ATXN1: variants seen among roughly 807,000 people sequenced by gnomAD.
ATXN1 encodes ataxin-1.
In ATXN1, 8 loss-of-function variants were observed where a neutral mutation model predicts 56.4. The observed-to-expected ratio is 0.14, with a 90% CI of 0.08 to 0.26. The LOEUF is 0.26. ATXN1 is among the 10% of genes least tolerant of loss of function. The pLI, the probability that ATXN1 is intolerant of heterozygous loss-of-function variation, is 1.00. For missense variants in ATXN1, 987 were observed against 1,106.5 expected (o/e 0.89, Z 1.53); for synonymous variants, 514 against 494.6 (o/e 1.04, Z -0.52).
At chr6:16,731,297 G>T (rs1194878927) in intron 2 of ATXN1, among the ~76,000 whole-genome samples, 2 of 151,876 alleles carry the variant, frequency 1.3e-5, no homozygotes, top group African/African-American at 4.8e-5. Flanking sequence ...AGGGAAGAAT[G>T]AAAAGAAGAT....
chr6:16,614,794 A>G (rs1763174775), intron 3 of ATXN1, among the ~76,000 whole-genome samples: 2 of 151,478 alleles, frequency 1.3e-5, no homozygotes, highest in Admixed American at 1.3e-4. Flanking sequence ...GTGGTGTTGC[A>G]TGCCTGTAAT....
intron 6 of ATXN1, among the ~76,000 whole-genome samples, chr6:16,370,156 G>C (rs1762009263): frequency 6.6e-6 from 1 of 152,150 alleles, no homozygotes. Flanking sequence ...ATAATGTCCA[G>C]AAGCAGGAAC....
At chr6:16,436,740 T>C (rs1115820) in intron 6 of ATXN1, among the ~76,000 whole-genome samples, 46,158 of 151,732 alleles carry the variant, frequency 0.3, 7,872 homozygotes, top group Middle Eastern at 0.47. Context: ...GGGTGACAAG[T>C]TCTTTGAGCC....
chr6:16,497,605 G>A lies in ATXN1; in HGVS notation c.-298-11496C>T, dbSNP rs142373444. Among the ~76,000 whole-genome samples the A allele has an allele frequency of 2.0e-4, 31 of 152,298 alleles. No homozygotes were observed. In the South Asian group the frequency reaches 2.9e-3, roughly 14 times the overall value. On this transcript the variant is annotated intron_variant, in intron 5 of 7. Coordinates refer to ENST00000436367, the MANE Select transcript of ATXN1 (RefSeq NM_001128164.2). ...TCGCCTGTGCCTGCTGGGAAACGCC[G>A]TGCAAGTTCCTCCATCTGTTTCCAA...
chr6:16,351,044 G>A (rs1010414533), intron 6 of ATXN1, among the ~76,000 whole-genome samples: 8 of 152,076 alleles, frequency 5.3e-5, no homozygotes, highest in Non-Finnish European at 8.8e-5. Context: ...AGCTGAGATC[G>A]CGGCACTGCA....
chr6:16,627,781 C>A (rs1763433356), intron 3 of ATXN1, among the ~76,000 whole-genome samples: 1 of 152,084 alleles, frequency 6.6e-6, no homozygotes, highest in Non-Finnish European at 1.5e-5. Flanking sequence ...TCTCCTATCA[C>A]AAAAGGAATA....
chr6:16,397,848 A>C (rs1758487290), intron 6 of ATXN1, among the ~76,000 whole-genome samples: 1 of 152,228 alleles, frequency 6.6e-6, no homozygotes, highest in Admixed American at 6.5e-5. Flanking sequence ...ACGCCACTGG[A>C]TATTTGTATC....
At chr6:16,312,119 T>C (rs1411493538) in intron 7 of ATXN1, among the ~76,000 whole-genome samples, 6 of 152,250 alleles carry the variant, frequency 3.9e-5, no homozygotes, top group East Asian at 1.9e-4. Flanking sequence ...TGTGTTCTCA[T>C]AGGTAAACTT....
chr6:16,383,183 A>G (rs1376857934), intron 6 of ATXN1, among the ~76,000 whole-genome samples: 1 of 152,216 alleles, frequency 6.6e-6, no homozygotes, highest in African/African-American at 2.4e-5. Flanking sequence ...AGCAAGCTAA[A>G]TAAGCACAGA....
rs114116009 is a variant in ATXN1 at position 16,742,381 on chromosome 6, C to T, written c.-615+10852G>A. Among the ~76,000 whole-genome samples, 896 of 152,236 alleles carry T rather than the reference C, an allele frequency of 5.9e-3. 5 individuals are homozygous for T. Among genetic ancestry groups the T allele is most frequent in the African/African-American group, 0.02 (833 of 41,534 alleles). ...TCCAGAGGTGAACTGGACACAGAGCCTGGAAAAGGGGAAGAATAATCAAAA... is the reference window on the plus strand; with the variant it reads ...TCCAGAGGTGAACTGGACACAGAGCTTGGAAAAGGGGAAGAATAATCAAAA... On this transcript the variant is annotated intron_variant, in intron 2 of 7. Transcript: ENST00000436367.
intron 4 of ATXN1, among the ~76,000 whole-genome samples, chr6:16,566,437 C>G (rs9477171): frequency 0.059 from 8,904 of 152,098 alleles, 797 homozygotes; most frequent in African/African-American, 0.2. Context: ...CTTCTAGCTA[C>G]TCTCATAACA....
chr6:16,682,191 C>T (rs1181366371), intron 2 of ATXN1, among the ~76,000 whole-genome samples: 1 of 137,140 alleles, frequency 7.3e-6, no homozygotes, highest in East Asian at 2.3e-4. Flanking sequence ...CAGTAGAGGC[C>T]ACTGGGGAGA....
intron 6 of ATXN1, among the ~76,000 whole-genome samples, chr6:16,431,936 G>A (rs1195588210): frequency 6.6e-6 from 1 of 152,120 alleles, no homozygotes; most frequent in Non-Finnish European, 1.5e-5. Flanking sequence ...GAGATCGCGG[G>A]GGAGCCAAAG....
intron 3 of ATXN1, among the ~76,000 whole-genome samples, chr6:16,613,189 C>T (rs1487119918): frequency 2.8e-5 from 4 of 140,924 alleles, no homozygotes; most frequent in Non-Finnish European, 6.1e-5. Flanking sequence ...GGCGTGAACC[C>T]GGGAAGCGGA....
chr6:16,345,386 A>G (rs879553481), intron 6 of ATXN1, among the ~76,000 whole-genome samples: 2 of 152,252 alleles, frequency 1.3e-5, no homozygotes, highest in Admixed American at 6.5e-5. Flanking sequence ...CTTAGGCTCA[A>G]TCTCAAGGAA....
intron 2 of ATXN1, among the ~76,000 whole-genome samples, chr6:16,703,093 A>G (rs12182692): frequency 0.37 from 56,945 of 151,880 alleles, 10,714 homozygotes; most frequent in Non-Finnish European, 0.38. Context: ...AATGTCCAAC[A>G]ATGATAAACT....
rs1465452908 is a variant in ATXN1 at position 16,303,576 on chromosome 6, G to T, written c.*2753C>A. 1 of 152,672 alleles carries T rather than the reference G, an allele frequency of 6.5e-6. No homozygotes were observed. The highest frequency in any genetic ancestry group is 2.4e-5 in the African/African-American group (1 of 41,464). 9.5% of individuals were successfully genotyped at this position (152,672 alleles called of 1,614,324 possible). ...GCACATGCTAAAAAAGCAAGAGAATGAAATGGGACAAGTGTTTAGAAAGAA... is the reference window on the plus strand; with the variant it reads ...GCACATGCTAAAAAAGCAAGAGAATTAAATGGGACAAGTGTTTAGAAAGAA... On this transcript the variant is annotated 3_prime_UTR_variant, in exon 8 of 8. Coordinates refer to ENST00000436367, the MANE Select transcript of ATXN1 (RefSeq NM_001128164.2). This position sits in a 1 kb window ranked among gnomAD's most constrained non-coding sequence, Gnocchi z 4.3.
At position 16,300,739 on chromosome 6, in the gene ATXN1, C is replaced by T. The variant is rs1324045698; in HGVS notation, c.*5590G>A. 4 of 152,378 alleles carry T rather than the reference C, an allele frequency of 2.6e-5. No individual in the cohort carries two copies. The highest frequency in any genetic ancestry group is 6.6e-5 in the Admixed American group (1 of 15,250). The allele number at this position is 152,378 out of a possible 1,614,324, so 9.4% of individuals were successfully genotyped here. ...CCTGGATCCCTTGTTACAAACACTT[C>T]GTGTTCAAGATTATATTCTTTGGGT... On this transcript the variant is annotated 3_prime_UTR_variant, in exon 8 of 8. Coordinates refer to ENST00000436367, the MANE Select transcript of ATXN1 (RefSeq NM_001128164.2).
intron 5 of ATXN1, among the ~76,000 whole-genome samples, chr6:16,497,375 G>C (rs577960220): frequency 4.1e-4 from 63 of 151,890 alleles, no homozygotes; most frequent in African/African-American, 1.4e-3. Flanking sequence ...GAGAAAGAAA[G>C]AAAATTAAAT....
Sources: gnomAD v4.1 joint callset for allele counts (sites outside exome capture counted in the v4.1 genomes callset) on GRCh38, gnomAD v4.1.1 for gene constraint, Gnocchi (gnomAD v3.1) non-coding constraint, MANE v1.5 for transcripts, NCBI Gene and HGNC (gene_info 2026-07-23, HGNC 2026-07-21) for gene names.